Variants in CDH11 observed in about 807,000 individuals in gnomAD.
CDH11 encodes the protein cadherin-11.
In CDH11, 11 loss-of-function variants were observed where a neutral mutation model predicts 67.8. The observed-to-expected ratio is 0.16, with a 90% CI of 0.10 to 0.27. The LOEUF (loss-of-function observed/expected upper bound fraction) is 0.27. Among genes scored for constraint, CDH11 ranks in the 10% least tolerant of loss-of-function variants. CDH11 has a pLI of 1.00. For missense variants in CDH11, 847 were observed against 1,031.2 expected (o/e 0.82, Z 2.45); for synonymous variants, 419 against 400.0 (o/e 1.05, Z -0.57).
chr16:65,010,581 AT>A (rs1352307550), intron 2 of CDH11, among the ~76,000 whole-genome samples: 2 of 152,136 alleles, frequency 1.3e-5, no homozygotes, highest in African/African-American at 4.8e-5. Context: ...AGGTTATGGT[AT>A]ATGCTGCTCC....
Position 65,043,771 on chromosome 16 carries a change from C to T in CDH11, c.-173+10033G>A, listed in dbSNP as rs186959138. On this transcript the variant is annotated intron_variant, in intron 2 of 12. Transcript: ENST00000268603. ...TCCAAAAAAGTTAAAAGGAATGAAG[C>T]GATCTCTGCCTTAATTTAGGTTTCT... 2.1e-3 allele frequency among the ~76,000 whole-genome samples: 318 copies of T among 152,176 alleles called. 2 individuals carry two copies. Among genetic ancestry groups the T allele is most frequent in the Middle Eastern group, 0.017 (5 of 294 alleles).
At chr16:65,014,033 A>G (rs2073240974) in intron 2 of CDH11, among the ~76,000 whole-genome samples, 1 of 152,186 alleles carries the variant, frequency 6.6e-6, no homozygotes, top group Admixed American at 6.5e-5. Context: ...GCAGGTAATT[A>G]AGAAGATGAG....
rs760814561 is a variant in CDH11, at chr16:64,947,575, T to C, written c.*28A>G. On this transcript the variant is annotated 3_prime_UTR_variant, in exon 13 of 13. Transcript: ENST00000268603. Reference sequence around the variant, plus strand: ...GATTCTTGAGAACGCCAGACACAGTTCTTAAGGCCAAATTTGTATCGTTAT... The same window carrying C: ...GATTCTTGAGAACGCCAGACACAGTCCTTAAGGCCAAATTTGTATCGTTAT... The C allele has an allele frequency of 6.3e-7, 1 of 1,588,632 alleles. No homozygotes were observed. Among genetic ancestry groups the C allele is most frequent in the Non-Finnish European group, 8.6e-7 (1 of 1,164,582 alleles).
chr16:65,083,964 A>G (rs764902583), intron 1 of CDH11, among the ~76,000 whole-genome samples: 1 of 152,164 alleles, frequency 6.6e-6, no homozygotes, highest in Non-Finnish European at 1.5e-5. Context: ...AGTTCTGGAG[A>G]GGATTTCCCT....
chr16:64,986,088 T>C (rs932426437), intron 7 of CDH11: 2 of 152,158 alleles, frequency 1.3e-5, no homozygotes, highest in Admixed American at 1.3e-4. Context: ...TGCAGAAATA[T>C]TGCCATAATG....
At chr16:65,086,102 T>G (rs1357431567) in intron 1 of CDH11, among the ~76,000 whole-genome samples, 1 of 152,230 alleles carries the variant, frequency 6.6e-6, no homozygotes, top group Non-Finnish European at 1.5e-5. Flanking sequence ...AAAGGCATCA[T>G]TTGCCAATGG....
intron 3 of CDH11, among the ~76,000 whole-genome samples, chr16:64,999,685 C>T (rs1054077178): frequency 2.0e-5 from 3 of 152,114 alleles, no homozygotes; most frequent in Admixed American, 6.6e-5. Context: ...CAGGCACATG[C>T]TACCATACCC....
At chr16:64,954,384 G>A (rs2071446635) in intron 11 of CDH11, among the ~76,000 whole-genome samples, 1 of 152,150 alleles carries the variant, frequency 6.6e-6, no homozygotes, top group African/African-American at 2.4e-5. Flanking sequence ...TTTCAATTGG[G>A]TAACTTTTCC....
At chr16:65,016,594 T>A (rs2073315925) in intron 2 of CDH11, among the ~76,000 whole-genome samples, 1 of 152,216 alleles carries the variant, frequency 6.6e-6, no homozygotes, top group African/African-American at 2.4e-5. Context: ...CAAATGCATT[T>A]CTGGAAAAAG....
chr16:65,101,358 G>A (rs891528604), intron 1 of CDH11, among the ~76,000 whole-genome samples: 1 of 152,192 alleles, frequency 6.6e-6, no homozygotes, highest in Non-Finnish European at 1.5e-5. Context: ...CACCTGTGAT[G>A]CTAGTCAAAC....
At chr16:65,112,884 C>A (rs922296694) in intron 1 of CDH11, among the ~76,000 whole-genome samples, 1 of 152,174 alleles carries the variant, frequency 6.6e-6, no homozygotes, top group Admixed American at 6.5e-5. Flanking sequence ...GGGCTCACAA[C>A]TTAACTGCCC....
At chr16:65,053,564 A>G (rs1257106366) in intron 2 of CDH11, among the ~76,000 whole-genome samples, 1 of 152,182 alleles carries the variant, frequency 6.6e-6, no homozygotes, top group East Asian at 1.9e-4. Flanking sequence ...TCTCCTCCAG[A>G]TCTTACTATT....
At position 64,950,896 on chromosome 16, in the gene CDH11, T is replaced by A; in HGVS notation, c.1765A>T (p.Thr589Ser). ...IPPMSSTNTLTIKVCGCDVNG... is the reference protein window; with the variant it reads ...IPPMSSTNTLSIKVCGCDVNG... ...ACGTCGCACCCGCAGACTTTGATGG[T>A]GAGGGTGTTGGTGCTACTCATGGGC... The change falls in exon 12 of 13, where the codon ACC becomes TCC. Residue 589 changes from threonine to serine, a missense_variant. Physicochemically the swap from Thr to Ser is moderately conservative, Grantham distance 58 (BLOSUM62 1). Transcript: ENST00000268603. 6.2e-7 allele frequency: 1 copy of A among 1,614,212 alleles called. No homozygotes were observed. Among genetic ancestry groups the A allele is most frequent in the Non-Finnish European group, 8.5e-7 (1 of 1,180,026 alleles).
intron 1 of CDH11, among the ~76,000 whole-genome samples, chr16:65,084,488 T>C (rs950991782): frequency 1.4e-5 from 2 of 144,292 alleles, no homozygotes; most frequent in African/African-American, 4.9e-5. Flanking sequence ...AAGAAGCCTA[T>C]CTAAAGATTA....
At position 65,121,238 on chromosome 16, in the gene CDH11, C is replaced by A. The variant is rs928247599; in HGVS notation, c.-298+642G>T. Reference sequence around the variant, plus strand: ...AGAGACTCGGGCTGGAGGGCTGTAGCGCACCGCAGCCTGCTGCCCCAGAAC... The same window carrying A: ...AGAGACTCGGGCTGGAGGGCTGTAGAGCACCGCAGCCTGCTGCCCCAGAAC... On this transcript the variant is annotated intron_variant, in intron 1 of 12. Coordinates refer to ENST00000268603, the MANE Select transcript of CDH11 (RefSeq NM_001797.4). The surrounding 1 kb of genome is among the most constrained non-coding windows in gnomAD (Gnocchi z 4.1). Among the ~76,000 whole-genome samples the A allele has an allele frequency of 6.6e-6, 1 of 152,212 alleles. No individual in the cohort carries two copies. The highest frequency in any genetic ancestry group is 3.2e-3 in the Middle Eastern group (1 of 316).
intron 1 of CDH11, among the ~76,000 whole-genome samples, chr16:65,093,803 T>C (rs1208914110): frequency 6.6e-6 from 1 of 152,196 alleles, no homozygotes; most frequent in Non-Finnish European, 1.5e-5. Flanking sequence ...TTATACGTAC[T>C]ATAATGCACA....
At chr16:64,965,511 G>A (rs571726372) in intron 11 of CDH11, among the ~76,000 whole-genome samples, 1 of 152,198 alleles carries the variant, frequency 6.6e-6, no homozygotes, top group Admixed American at 6.5e-5. Flanking sequence ...TTTTTCAGGG[G>A]TAGTAACACA....
intron 1 of CDH11, among the ~76,000 whole-genome samples, chr16:65,078,785 T>G (rs1463346953): frequency 6.6e-6 from 1 of 152,114 alleles, no homozygotes; most frequent in Non-Finnish European, 1.5e-5. Context: ...AGATCCTCAT[T>G]TCACAGGGGA....
At chr16:65,120,030 T>C (rs898617246) in intron 1 of CDH11, among the ~76,000 whole-genome samples, 2 of 152,186 alleles carry the variant, frequency 1.3e-5, no homozygotes, top group Admixed American at 6.5e-5. Context: ...AGAGTGCTTC[T>C]CGTATTGGCC....
Sources: allele counts gnomAD v4.1 joint callset (sites outside exome capture counted in the v4.1 genomes callset), GRCh38; gene constraint gnomAD v4.1.1; non-coding constraint Gnocchi (gnomAD v3.1); transcripts MANE v1.5; gene names NCBI Gene and HGNC (gene_info 2026-07-23, HGNC 2026-07-21).